Variants in SART3 observed in about 807,000 individuals in gnomAD.
The protein encoded by SART3 is HIV-1 Tat-interacting protein of 110kDa.
SART3 carries 44 observed loss-of-function variants against 122.3 expected under a neutral mutation model. That is an observed-to-expected ratio of 0.36 (90% CI 0.28 to 0.46). The LOEUF is 0.46. Among genes scored for constraint, SART3 ranks in the 20% least tolerant of loss-of-function variants. The pLI, the probability that SART3 is intolerant of heterozygous loss-of-function variation, is 1.00. For synonymous variants in SART3, 442 were observed against 454.0 expected, an observed-to-expected ratio of 0.97 and a Z score of 0.34; for missense variants, 1,101 against 1,229.0, an observed-to-expected ratio of 0.90 and a Z score of 1.56.
At chr12:108,545,356 T>C (rs755276724) in intron 3 of SART3, 33 bp from the exon 4 acceptor site, 3 of 1,602,252 alleles carry the variant, frequency 1.9e-6, no homozygotes, top group South Asian at 1.1e-5. Context: ...TAGTTTGGGA[T>C]ATAAAATACC....
intron 15 of SART3, among the ~76,000 whole-genome samples, chr12:108,528,482 C>CA (rs398039961): frequency 0.59 from 57,846 of 98,220 alleles, 17,287 homozygotes; most frequent in Middle Eastern, 0.7. Context: ...GACTCCCTCT[C>CA]AAAAAAAAAA....
chr12:108,555,488 A>C (rs981042050), intron 1 of SART3, among the ~76,000 whole-genome samples: 1 of 152,146 alleles, frequency 6.6e-6, no homozygotes, highest in Non-Finnish European at 1.5e-5. Flanking sequence ...AACAGGGCAA[A>C]ACCCCGTCTC....
rs768439365 is a variant in SART3 at position 108,523,632 on chromosome 12, C to T, written c.2717G>A (p.Arg906Lys). 1.2e-6 allele frequency: 2 copies of T among 1,613,916 alleles called. No individual in the cohort carries two copies. The highest frequency in any genetic ancestry group is 4.5e-5 in the East Asian group (2 of 44,884). ...AGACAGCTGCGTCCTTCCCTTCCCC[C>T]TCCTAAAAGAGCAAACACTGAATGG... Reference protein sequence around the residue: ...PMLLPQTYGARGKGRTQLSLL... With the variant: ...PMLLPQTYGAKGKGRTQLSLL... The change falls in exon 19 of 19, where the codon AGG becomes AAG. Residue 906 changes from arginine to lysine, a missense_variant and splice_region_variant. Physicochemically the swap from Arg to Lys is conservative, Grantham distance 26. Coordinates refer to ENST00000546815, the MANE Select transcript of SART3 (RefSeq NM_014706.4).
rs778808791 is a variant in SART3 at position 108,523,121 on chromosome 12, G to C, written c.*336C>G. On this transcript the variant is annotated 3_prime_UTR_variant, in exon 19 of 19. Transcript: ENST00000546815. ...AAGTGTCATACAAAAAGGGGCCGGA[G>C]CTGGCCAGAAACATTTGGACAACTG... 4.9e-6 allele frequency: 2 copies of C among 404,320 alleles called. No individual in the cohort carries two copies. The highest frequency in any genetic ancestry group is 2.0e-5 in the African/African-American group (1 of 49,378). 25.0% of individuals were successfully genotyped at this position (404,320 alleles called of 1,614,324 possible).
chr12:108,548,870 T>C (rs1363788921), intron 2 of SART3, among the ~76,000 whole-genome samples: 1 of 152,220 alleles, frequency 6.6e-6, no homozygotes, highest in Non-Finnish European at 1.5e-5. Context: ...AACGTTAGAA[T>C]AAAGAAATCA....
chr12:108,539,663 T>C (rs962580958), intron 6 of SART3, among the ~76,000 whole-genome samples: 3 of 152,238 alleles, frequency 2.0e-5, no homozygotes, highest in African/African-American at 7.2e-5. Context: ...ATTTTGCTGA[T>C]GGCCATGACA....
intron 5 of SART3, among the ~76,000 whole-genome samples, chr12:108,543,688 C>T (rs1000545917): frequency 3.3e-5 from 5 of 152,160 alleles, no homozygotes; most frequent in African/African-American, 4.8e-5. Flanking sequence ...TTTGATTAGA[C>T]GACTACTTTA....
At chr12:108,530,028 A>G in intron 15 of SART3, 114 bp downstream of exon 15, 1 of 1,204,182 alleles carries the variant, frequency 8.3e-7, no homozygotes, top group African/African-American at 1.5e-5. Flanking sequence ...CAGTGATCAA[A>G]GGGTAATGGG....
chr12:108,543,911 A>G (rs554289053), intron 5 of SART3, among the ~76,000 whole-genome samples: 1 of 152,344 alleles, frequency 6.6e-6, no homozygotes, highest in South Asian at 2.1e-4. Context: ...AAATGTATTT[A>G]CCAAATAAGG....
intron 1 of SART3, among the ~76,000 whole-genome samples, chr12:108,555,944 T>C (rs1456431673): frequency 6.6e-6 from 1 of 152,178 alleles, no homozygotes; most frequent in Non-Finnish European, 1.5e-5. Context: ...TCAGTGGAAT[T>C]GGCACAGGAT....
At chr12:108,558,283 T>C (rs890336062) in intron 1 of SART3, among the ~76,000 whole-genome samples, 1 of 152,228 alleles carries the variant, frequency 6.6e-6, no homozygotes, top group Non-Finnish European at 1.5e-5. Flanking sequence ...TAAAAGCAGT[T>C]ACAGCAGGAA....
chr12:108,539,805 G>A (rs1211867657), intron 6 of SART3, among the ~76,000 whole-genome samples: 4 of 152,116 alleles, frequency 2.6e-5, no homozygotes, highest in African/African-American at 9.7e-5. Context: ...ATGTTTCAGG[G>A]CCTCCATTTC....
chr12:108,540,134 C>T (rs1221321781), intron 6 of SART3, among the ~76,000 whole-genome samples: 2 of 121,350 alleles, frequency 1.6e-5, no homozygotes, highest in African/African-American at 5.4e-5. Flanking sequence ...TAGAGGACAG[C>T]AAACCAAATC....
At position 108,538,935 on chromosome 12, in the gene SART3, AG is replaced by A; in HGVS notation, c.1060del (p.Leu354Ter). On this transcript the variant is annotated frameshift_variant and splice_region_variant, in exon 7 of 19. Coordinates refer to ENST00000546815, the MANE Select transcript of SART3 (RefSeq NM_014706.4). LOFTEE classifies it high-confidence loss of function. ...ATGAAATTAGAACAGTGATCTTACT[AG>A]GTACTGACTGTAACGGATCCATAAG... is the stretch of plus-strand genomic sequence containing the variant. ...PDLWIRYSQY[L>X]DRQLKVKDLV... The A allele has an allele frequency of 6.2e-7, 1 of 1,614,162 alleles. No homozygotes were observed. The highest frequency in any genetic ancestry group is 1.3e-5 in the African/African-American group (1 of 75,056).
chr12:108,537,172 TAC>T, intron 9 of SART3: 1 of 426,814 alleles, frequency 2.3e-6, no homozygotes, highest in Non-Finnish European at 4.3e-6. Context: ...CCCACAGAGG[TAC>T]AAAGATTTTT....
intron 1 of SART3, among the ~76,000 whole-genome samples, chr12:108,549,723 A>G (rs767206620): frequency 6.6e-6 from 1 of 152,154 alleles, no homozygotes; most frequent in Non-Finnish European, 1.5e-5. Context: ...TTACTAAATA[A>G]AAAAGATGGA....
At chr12:108,536,935 T>A (rs977985934) in intron 9 of SART3, 150 bp from the exon 10 acceptor site, 13 of 739,896 alleles carry the variant, frequency 1.8e-5, no homozygotes, top group Non-Finnish European at 2.3e-5. Context: ...CCTGCCCTCA[T>A]CACATAGTTG....
intron 7 of SART3, 95 bp from the exon 8 acceptor site, chr12:108,538,298 G>A (rs1873004599): frequency 7.1e-7 from 1 of 1,415,018 alleles, no homozygotes; most frequent in Non-Finnish European, 1.0e-6. Flanking sequence ...TGAAAGAAAT[G>A]TCCTTATAAA....
chr12:108,541,587 G>A (rs1873162167), intron 6 of SART3, among the ~76,000 whole-genome samples: 2 of 151,966 alleles, frequency 1.3e-5, no homozygotes, highest in Non-Finnish European at 2.9e-5. Context: ...CAGGCTGGAT[G>A]GAGTGCAGTG....
Sources: allele counts gnomAD v4.1 joint callset (sites outside exome capture counted in the v4.1 genomes callset), GRCh38; gene constraint gnomAD v4.1.1; transcripts MANE v1.5; gene names NCBI Gene and HGNC (gene_info 2026-07-23, HGNC 2026-07-21).